TIPARP: variants seen among roughly 807,000 people sequenced by gnomAD.
The protein encoded by TIPARP is protein mono-ADP-ribosyltransferase TIPARP.
In TIPARP, 12 loss-of-function variants were observed where a neutral mutation model predicts 56.5. The ratio of observed to expected loss-of-function variants is 0.21; its 90% CI spans 0.14 to 0.34. The LOEUF (loss-of-function observed/expected upper bound fraction) is 0.34. TIPARP is among the 10% of genes least tolerant of loss of function. TIPARP has a pLI of 1.00. For synonymous variants in TIPARP, 296 were observed against 265.7 expected (o/e 1.11, Z -1.11); for missense variants, 604 against 781.6 (o/e 0.77, Z 2.71).
chr3:156,693,990 T>C, intron 2 of TIPARP, 30 bp from the exon 3 acceptor site: 1 of 1,568,506 alleles, frequency 6.4e-7, no homozygotes, highest in East Asian at 2.3e-5. Context: ...AACAGGTTTT[T>C]GGGTTTTTTT....
Position 156,705,001 on chromosome 3 carries a change from C to T in TIPARP, c.1844C>T (p.Thr615Ile), listed in dbSNP as rs1722945984. The change falls in exon 6 of 6, where the codon ACC becomes ATC. Residue 615 changes from threonine to isoleucine, a missense_variant. Thr to Ile is a moderately conservative substitution (Grantham distance 89). This residue lies in a region of TIPARP where 77 missense variants were observed against 161.0 expected (regional missense o/e 0.48). Transcript: ENST00000295924. ...CCGCCAGTCAATCCTGGCAGTGTCA[C>T]CAGTGACCTTTATGACTCTTGTGTG... Reference protein sequence around the residue: ...RPPPVNPGSVTSDLYDSCVDN... With the variant: ...RPPPVNPGSVISDLYDSCVDN... The T allele has an allele frequency of 6.2e-7, 1 of 1,614,208 alleles. No individual in the cohort carries two copies. Among genetic ancestry groups the T allele is most frequent in the Non-Finnish European group, 8.5e-7 (1 of 1,180,038 alleles).
intron 2 of TIPARP, chr3:156,681,026 A>G (rs1722288647): frequency 2.4e-6 from 1 of 409,326 alleles, no homozygotes; most frequent in Non-Finnish European, 4.9e-6. Context: ...AATATAGTAG[A>G]TAGCTAAGTG....
At chr3:156,684,467 A>T (rs973230587) in intron 2 of TIPARP, among the ~76,000 whole-genome samples, 3 of 151,992 alleles carry the variant, frequency 2.0e-5, no homozygotes, top group African/African-American at 7.2e-5. Context: ...TTTTTTTGAG[A>T]CCAAGTTTCA....
chr3:156,703,178 A>T (rs1292117946), intron 4 of TIPARP, among the ~76,000 whole-genome samples: 2 of 152,210 alleles, frequency 1.3e-5, no homozygotes, highest in Non-Finnish European at 2.9e-5. Context: ...CCTTGTAGCT[A>T]TACATTCCAG....
At chr3:156,677,294 C>G (rs956258062) in intron 1 of TIPARP, among the ~76,000 whole-genome samples, 1 of 152,032 alleles carries the variant, frequency 6.6e-6, no homozygotes, top group African/African-American at 2.4e-5. Flanking sequence ...ATGTGGTTTC[C>G]CTGCTGTCAT....
Position 156,705,811 on chromosome 3 carries a change from C to CTAA in TIPARP, c.*682_*684dup, listed in dbSNP as rs1256810225. ...TTTTTGTCACCAGCAAAACTTTTCA[C>CTAA]TAATTAGTGATATGAAATGTGATTT... On this transcript the variant is annotated 3_prime_UTR_variant, in exon 6 of 6. Coordinates refer to ENST00000295924, the MANE Select transcript of TIPARP (RefSeq NM_015508.5). 10 of 152,754 alleles carry CTAA rather than the reference C, an allele frequency of 6.5e-5. No homozygotes were observed. Among genetic ancestry groups the CTAA allele is most frequent in the African/African-American group, 2.4e-4 (10 of 41,574 alleles). 9.5% of individuals were successfully genotyped at this position (152,754 alleles called of 1,614,324 possible).
At chr3:156,687,822 A>G (rs1221384034) in intron 2 of TIPARP, among the ~76,000 whole-genome samples, 1 of 152,222 alleles carries the variant, frequency 6.6e-6, no homozygotes, top group Non-Finnish European at 1.5e-5. Flanking sequence ...GGTTTGGCAC[A>G]CAGATAAATG....
intron 2 of TIPARP, among the ~76,000 whole-genome samples, chr3:156,685,730 C>T (rs528648676): frequency 1.2e-4 from 18 of 152,262 alleles, no homozygotes; most frequent in Admixed American, 2.6e-4. Flanking sequence ...CCCACTTATA[C>T]GACATAGCCA....
chr3:156,697,434 T>TG (rs1722742737), intron 4 of TIPARP, among the ~76,000 whole-genome samples: 2 of 151,702 alleles, frequency 1.3e-5, no homozygotes, highest in African/African-American at 2.4e-5. Context: ...TTTTTTTTTT[T>TG]TTTTGAAGCT....
chr3:156,702,110 C>G (rs1041763961), intron 4 of TIPARP, among the ~76,000 whole-genome samples: 2 of 149,076 alleles, frequency 1.3e-5, no homozygotes, highest in African/African-American at 5.0e-5. Context: ...TGGTGTCAGG[C>G]AAAACTAGGT....
intron 2 of TIPARP, among the ~76,000 whole-genome samples, chr3:156,685,557 G>A (rs568400708): frequency 6.6e-6 from 1 of 152,322 alleles, no homozygotes; most frequent in Admixed American, 6.5e-5. Flanking sequence ...CTCTGTTTTG[G>A]TGCTATTGCC....
In TIPARP at chr3:156,679,203, AT is replaced by A. The variant is rs201304092; in HGVS notation, c.917+599del. Among the ~76,000 whole-genome samples, 949 of 149,132 alleles carry A rather than the reference AT, an allele frequency of 6.4e-3. 5 individuals carry two copies. The highest frequency in any genetic ancestry group is 0.02 in the African/African-American group (836 of 40,812). On this transcript the variant is annotated intron_variant, in intron 2 of 5. Transcript: ENST00000295924. Reference sequence around the variant, plus strand: ...AATAAATTTTTCCAGAATTTAGGGTATTTTTTTTTTAACCTGGAAGAGTCCT... The same window carrying A: ...AATAAATTTTTCCAGAATTTAGGGTATTTTTTTTTAACCTGGAAGAGTCCT...
At chr3:156,703,327 A>C (rs1258651956) in intron 4 of TIPARP, 97 bp from the exon 5 acceptor site, 1 of 1,265,376 alleles carries the variant, frequency 7.9e-7, no homozygotes, top group African/African-American at 1.5e-5. Flanking sequence ...AGCTATACAG[A>C]TTATAATATT....
At chr3:156,680,846 A>G (rs1722282557) in intron 2 of TIPARP, among the ~76,000 whole-genome samples, 1 of 152,204 alleles carries the variant, frequency 6.6e-6, no homozygotes, top group African/African-American at 2.4e-5. Flanking sequence ...ACTAATGTTT[A>G]TCTGACACTT....
Position 156,681,978 on chromosome 3 carries a change from G to A in TIPARP, c.917+3364G>A, listed in dbSNP as rs190014888. 7.9e-5 allele frequency among the ~76,000 whole-genome samples: 12 copies of A among 152,230 alleles called. No homozygotes were observed. In the East Asian group the frequency reaches 2.3e-3, roughly 29 times the overall value. ...GGAACAGTGTAGGCACTCATCCTTA[G>A]TAGACGATGACATTGGATGGCAGAA... On this transcript the variant is annotated intron_variant, in intron 2 of 5. Transcript: ENST00000295924.
At chr3:156,703,339 A>C in intron 4 of TIPARP, 85 bp from the exon 5 acceptor site, 1 of 1,348,034 alleles carries the variant, frequency 7.4e-7, no homozygotes, top group Non-Finnish European at 1.0e-6. Context: ...TATAATATTA[A>C]GTAGACACTG....
rs1722190002 is a variant in TIPARP, at chr3:156,677,934, T to G, written c.237T>G (p.Ser79Arg). 1.9e-6 allele frequency: 3 copies of G among 1,614,046 alleles called. No individual in the cohort carries two copies. Among genetic ancestry groups the G allele is most frequent in the Non-Finnish European group, 2.5e-6 (3 of 1,180,016 alleles). ...GGGTTTTTAGATCTAGGAACCAGAG[T>G]ACAGATGAGAACAGCTTACATGAAC... Reference protein sequence around the residue: ...LDGVFRSRNQSTDENSLHEPM... With the variant: ...LDGVFRSRNQRTDENSLHEPM... The change falls in exon 2 of 6, where the codon AGT becomes AGG. Residue 79 changes from serine to arginine, a missense_variant. By Grantham distance (110) the Ser-to-Arg change is moderately radical. This residue lies in a region of TIPARP where 261 missense variants were observed against 279.2 expected (regional missense o/e 0.93). Transcript: ENST00000295924.
At position 156,678,020 on chromosome 3, in the gene TIPARP, C is replaced by T; in HGVS notation, c.323C>T (p.Ser108Phe). The T allele has an allele frequency of 6.2e-7, 1 of 1,614,094 alleles. No individual in the cohort carries two copies. The highest frequency in any genetic ancestry group is 8.5e-7 in the Non-Finnish European group (1 of 1,180,036). The change falls in exon 2 of 6, where the codon TCT (serine) becomes TTT (phenylalanine). Residue 108 changes from serine to phenylalanine, a missense_variant. Physicochemically the swap from Ser to Phe is radical, Grantham distance 155. Around this residue, in one of 4 missense-constraint regions of TIPARP, gnomAD observed 261 missense variants for 279.2 expected, o/e 0.93. Transcript: ENST00000295924. ...TGCCCACCAGCAGAAAATAATATGT[C>T]TGTTCTGATTCCTGATAGGACAAAT... is the stretch of plus-strand genomic sequence containing the variant. ...SSCPPAENNM[S>F]VLIPDRTNVG...
rs1298308351 is a variant in TIPARP, at chr3:156,678,053, A to G, written c.356A>G (p.Asp119Gly). The change falls in exon 2 of 6, where the codon GAC (aspartate) becomes GGC (glycine). Residue 119 changes from aspartate to glycine, a missense_variant. By Grantham distance (94) the Asp-to-Gly change is moderately conservative. Transcript: ENST00000295924. ...ATTCCTGATAGGACAAATGTTGGGG[A>G]CCAGATACCGGAAGCCCATCCTTCC... is the stretch of plus-strand genomic sequence containing the variant. ...VLIPDRTNVG[D>G]QIPEAHPSTE... 1 of 1,614,098 alleles carries G rather than the reference A, an allele frequency of 6.2e-7. No individual in the cohort carries two copies. The highest frequency in any genetic ancestry group is 2.2e-5 in the East Asian group (1 of 44,878).
Sources: allele counts gnomAD v4.1 joint callset (sites outside exome capture counted in the v4.1 genomes callset), GRCh38; gene constraint gnomAD v4.1.1; regional missense constraint gnomAD v4.1.1; transcripts MANE v1.5; gene names NCBI Gene and HGNC (gene_info 2026-07-23, HGNC 2026-07-21).